The following WDR17 variants were observed in gnomAD, a reference collection of about 807,000 sequenced individuals.
WDR17 encodes WD repeat-containing protein 17.
Under a neutral mutation model 161.7 loss-of-function variants are expected in WDR17, and 143 were observed. That is an observed-to-expected ratio of 0.88 (90% CI 0.77 to 1.02). The LOEUF (loss-of-function observed/expected upper bound fraction) is 1.02, where lower values mean the gene tolerates loss of function less well. Ranked by LOEUF, WDR17 falls within the 50% of genes least tolerant of loss-of-function variation. The pLI, the probability that WDR17 is intolerant of heterozygous loss-of-function variation, is 0.00. For synonymous variants in WDR17, 517 were observed against 515.6 expected (o/e 1.00, Z -0.04); for missense variants, 1,469 against 1,520.9 (o/e 0.97, Z 0.57).
chr4:176,149,308 T>G (rs1746714535), intron 13 of WDR17, among the ~76,000 whole-genome samples: 1 of 152,074 alleles, frequency 6.6e-6, no homozygotes. Context: ...CTGGCTCTGT[T>G]GCCCAGGATG....
intron 1 of WDR17, among the ~76,000 whole-genome samples, chr4:176,096,151 G>C (rs906333871): frequency 1.3e-5 from 2 of 151,944 alleles, no homozygotes; most frequent in African/African-American, 2.4e-5. Flanking sequence ...CCCATTTTGT[G>C]ATTTTTATGG....
chr4:176,144,852 A>G (rs1745909607), intron 11 of WDR17, among the ~76,000 whole-genome samples: 2 of 151,988 alleles, frequency 1.3e-5, no homozygotes, highest in African/African-American at 4.8e-5. Context: ...TTATGATATC[A>G]TTTCTGACTT....
At chr4:176,178,672 C>T (rs560704984) in intron 28 of WDR17, among the ~76,000 whole-genome samples, 7 of 152,216 alleles carry the variant, frequency 4.6e-5, no homozygotes, top group African/African-American at 1.4e-4. Flanking sequence ...TTTCTAGTGC[C>T]TACTAATAGG....
At chr4:176,154,839 A>T (rs1400757572) in intron 17 of WDR17, among the ~76,000 whole-genome samples, 1 of 152,182 alleles carries the variant, frequency 6.6e-6, no homozygotes, top group South Asian at 2.1e-4. Flanking sequence ...ATTTTGATTC[A>T]TGTAGTGATA....
intron 1 of WDR17, among the ~76,000 whole-genome samples, chr4:176,089,132 A>G (rs1735785983): frequency 6.6e-6 from 1 of 152,082 alleles, no homozygotes; most frequent in Non-Finnish European, 1.5e-5. Context: ...ATTTCTTTTT[A>G]TTTAGATTAC....
chr4:176,169,843 A>G (rs1750446259), intron 23 of WDR17, among the ~76,000 whole-genome samples: 1 of 152,218 alleles, frequency 6.6e-6, no homozygotes, highest in African/African-American at 2.4e-5. Context: ...GGGTTGTGAG[A>G]TGATGGGATA....
At chr4:176,131,793 G>A in intron 7 of WDR17, 55 bp downstream of exon 7, 2 of 1,292,152 alleles carry the variant, frequency 1.5e-6, no homozygotes, top group Non-Finnish European at 2.0e-6. Flanking sequence ...GTAAACCCAT[G>A]ATCTTTACTT....
intron 18 of WDR17, among the ~76,000 whole-genome samples, chr4:176,159,454 C>A (rs538742484): frequency 6.6e-6 from 1 of 152,114 alleles, no homozygotes; most frequent in Non-Finnish European, 1.5e-5. Flanking sequence ...ATGTCTGGAA[C>A]ATTATTTTCC....
chr4:176,158,078 T>C (rs1748440424), intron 18 of WDR17, among the ~76,000 whole-genome samples: 1 of 152,224 alleles, frequency 6.6e-6, no homozygotes, highest in Admixed American at 6.5e-5. Flanking sequence ...TAAGCTTTTT[T>C]ATTGTTTCTT....
intron 1 of WDR17, among the ~76,000 whole-genome samples, chr4:176,101,481 G>A (rs1035105264): frequency 2.6e-5 from 4 of 152,106 alleles, no homozygotes; most frequent in Non-Finnish European, 5.9e-5. Flanking sequence ...AGTCAGATAC[G>A]ACAGAAATGT....
intron 17 of WDR17, among the ~76,000 whole-genome samples, chr4:176,155,500 G>T (rs1747915877): frequency 7.1e-6 from 1 of 141,014 alleles, no homozygotes; most frequent in Non-Finnish European, 1.6e-5. Context: ...ATTTAACCAT[G>T]TCAATACAAT....
chr4:176,130,098 T>G (rs922202502), intron 6 of WDR17, among the ~76,000 whole-genome samples: 2 of 152,184 alleles, frequency 1.3e-5, no homozygotes, highest in Non-Finnish European at 2.9e-5. Context: ...AGGTTTTCCC[T>G]TCAATTTAAT....
chr4:176,129,011 A>C (rs1047588524), intron 6 of WDR17, 151 bp downstream of exon 6: 1 of 606,270 alleles, frequency 1.6e-6, no homozygotes, highest in Non-Finnish European at 2.6e-6. Context: ...AGGATCCATC[A>C]AAGCTACACA....
At chr4:176,125,655 G>T (rs1440312552) in intron 5 of WDR17, among the ~76,000 whole-genome samples, 1 of 152,212 alleles carries the variant, frequency 6.6e-6, no homozygotes, top group African/African-American at 2.4e-5. Flanking sequence ...GACAAAGACA[G>T]TTCCATTTCA....
At chr4:176,128,492 C>T (rs1403485527) in intron 5 of WDR17, among the ~76,000 whole-genome samples, 1 of 151,716 alleles carries the variant, frequency 6.6e-6, no homozygotes, top group African/African-American at 2.4e-5. Context: ...AGGAAGCTGC[C>T]AAAACAGGCC....
rs1045028758 is a variant in WDR17, at chr4:176,145,895, C to T, written c.1530-100C>T. 3 of 1,140,274 alleles carry T rather than the reference C, an allele frequency of 2.6e-6. No individual in the cohort carries two copies. In the African/African-American group the frequency reaches 4.7e-5, roughly 18 times the overall value. 70.6% of individuals were successfully genotyped at this position (1,140,274 alleles called of 1,614,324 possible). ...TTTTAGTCTAACTTCACTAAGGAAG[C>T]AAAAATTCTACTTTTAGAAATTAGA... On this transcript the variant is annotated intron_variant, in intron 11 of 28. Coordinates refer to ENST00000508596, the MANE Select transcript of WDR17 (RefSeq NM_181265.4).
chr4:176,100,537 G>T (rs1024260384), intron 1 of WDR17, among the ~76,000 whole-genome samples: 1 of 152,024 alleles, frequency 6.6e-6, no homozygotes, highest in South Asian at 2.1e-4. Context: ...TGCAGGTTGT[G>T]TGTTCTCTCT....
chr4:176,079,561 A>G (rs187492152), intron 1 of WDR17, among the ~76,000 whole-genome samples: 1 of 152,292 alleles, frequency 6.6e-6, no homozygotes, highest in East Asian at 1.9e-4. Flanking sequence ...CATATCTCAA[A>G]TGGAATGTCT....
At chr4:176,135,491 T>C (rs986538243) in intron 8 of WDR17, among the ~76,000 whole-genome samples, 1 of 151,588 alleles carries the variant, frequency 6.6e-6, no homozygotes, top group Admixed American at 6.6e-5. Context: ...ATATAACAAG[T>C]CATGTAGAAA....
Sources: allele counts gnomAD v4.1 joint callset (sites outside exome capture counted in the v4.1 genomes callset), GRCh38; gene constraint gnomAD v4.1.1; transcripts MANE v1.5; gene names NCBI Gene and HGNC (gene_info 2026-07-23, HGNC 2026-07-21).